BTNL3: variants seen among roughly 807,000 people sequenced by gnomAD.
BTNL3 encodes the protein butyrophilin like 3.
Under a neutral mutation model 40.1 loss-of-function variants are expected in BTNL3, and 20 were observed. The observed-to-expected ratio is 0.50, with a 90% CI of 0.35 to 0.72. The LOEUF is 0.72. Ranked by LOEUF, BTNL3 falls within the 30% of genes least tolerant of loss-of-function variation. The pLI is 0.01. For synonymous variants in BTNL3, 179 were observed against 222.1 expected (o/e 0.81, Z 1.73); for missense variants, 449 against 582.2 (o/e 0.77, Z 2.35).
intron 1 of BTNL3, among the ~76,000 whole-genome samples, 194 bp from the exon 2 acceptor site, chr5:180,992,619 G>T (rs926636077): frequency 7.3e-6 from 1 of 137,466 alleles, no homozygotes; most frequent in African/African-American, 2.5e-5. Flanking sequence ...CACATGAGAT[G>T]TGTGTGAGAA....
In BTNL3 at chr5:181,002,103, G is replaced by C. The variant is rs1760121483; in HGVS notation, c.674-569G>C. ...AGCTAAGAAGCTTAGTCTTATCTCA[G>C]AGACATATCCCAAAGCTTTGAAGAT... On this transcript the variant is annotated intron_variant, in intron 3 of 7. Transcript: ENST00000342868. 3.0e-5 allele frequency among the ~76,000 whole-genome samples: 4 copies of C among 133,588 alleles called. 1 individual carries two copies. Among genetic ancestry groups the C allele is most frequent in the Non-Finnish European group, 5.1e-5 (3 of 58,800 alleles). 87.6% of individuals were successfully genotyped at this position (133,588 alleles called of 152,430 possible). A position where few individuals can be genotyped will look rare whatever the true frequency, so the allele number is the denominator to read the frequency against.
In BTNL3 at chr5:181,005,962, C is replaced by G; in HGVS notation, c.*90C>G. ...TCCCGACAGGTGGCCCCAGCTTCCT[C>G]TCCGGAGCCTGCGCACAGAGAGTCA... On this transcript the variant is annotated 3_prime_UTR_variant, in exon 8 of 8. Transcript: ENST00000342868. 1 of 1,374,842 alleles carries G rather than the reference C, an allele frequency of 7.3e-7. No homozygotes were observed. The highest frequency in any genetic ancestry group is 9.7e-7 in the Non-Finnish European group (1 of 1,027,258). 85.2% of individuals were successfully genotyped at this position (1,374,842 alleles called of 1,614,324 possible).
intron 6 of BTNL3, 119 bp from the exon 7 acceptor site, chr5:181,004,617 C>T (rs1373223465): frequency 6.2e-7 from 1 of 1,608,848 alleles, no homozygotes; most frequent in Non-Finnish European, 8.5e-7. Flanking sequence ...TAGCCTTCTT[C>T]AGATCTCTGG....
Position 180,993,098 on chromosome 5 carries a change from A to G in BTNL3, c.335A>G (p.Tyr112Cys), listed in dbSNP as rs1251515681. ...ATCACTCCCTCGGACATCGGCCTGTATGGGTGCTGGTTCAGTTCCCAGATT... is the reference window on the plus strand; with the variant it reads ...ATCACTCCCTCGGACATCGGCCTGTGTGGGTGCTGGTTCAGTTCCCAGATT... ...KNITPSDIGL[Y>C]GCWFSSQIYD... The change falls in exon 2 of 8, where the codon TAT becomes TGT. Residue 112 changes from tyrosine to cysteine, a missense_variant. Physicochemically the swap from Tyr to Cys is radical, Grantham distance 194. Transcript: ENST00000342868. 2.1e-6 allele frequency: 3 copies of G among 1,451,774 alleles called. 1 individual carries two copies. Among genetic ancestry groups the G allele is most frequent in the Non-Finnish European group, 2.8e-6 (3 of 1,052,648 alleles). The allele number at this position is 1,451,774 out of a possible 1,614,324, so 89.9% of individuals were successfully genotyped here.
At chr5:180,994,736 C>T (rs1275208275) in intron 2 of BTNL3, among the ~76,000 whole-genome samples, 3 of 133,776 alleles carry the variant, frequency 2.2e-5, no homozygotes, top group African/African-American at 7.7e-5. Context: ...ATTTTCCTCT[C>T]TTTTCATGCT....
chr5:180,992,612 A>T lies in BTNL3; in HGVS notation c.50-201A>T, dbSNP rs568148675. ...TAGCACATACCTCACCTCATCTCAC[A>T]TGAGATGTGTGTGAGAACCGAGTGA... On this transcript the variant is annotated intron_variant, in intron 1 of 7. Coordinates refer to ENST00000342868, the MANE Select transcript of BTNL3 (RefSeq NM_197975.3). 1.0e-4 allele frequency among the ~76,000 whole-genome samples: 14 copies of T among 137,442 alleles called. 1 individual carries two copies. The highest frequency in any genetic ancestry group is 3.3e-4 in the African/African-American group (13 of 39,938). The allele number at this position is 137,442 out of a possible 152,430, so 90.2% of individuals were successfully genotyped here.
At chr5:180,989,585 T>G (rs1759943616) in intron 1 of BTNL3, among the ~76,000 whole-genome samples, 2 of 136,398 alleles carry the variant, frequency 1.5e-5, no homozygotes, top group South Asian at 4.3e-4. Context: ...GAGGAGTAAG[T>G]TGGAACCTGG....
chr5:181,002,654 T>TA lies in BTNL3; in HGVS notation c.674-18_674-17insA, dbSNP rs1428528745. 3 of 1,452,612 alleles carry TA rather than the reference T, an allele frequency of 2.1e-6. 1 individual carries two copies. Among genetic ancestry groups the TA allele is most frequent in the Non-Finnish European group, 2.8e-6 (3 of 1,053,322 alleles). The allele number at this position is 1,452,612 out of a possible 1,614,324, so 90.0% of individuals were successfully genotyped here. A position where few individuals can be genotyped will look rare whatever the true frequency, so the allele number is the denominator to read the frequency against. ...ACCTGCTTAGCTATCACTAAGGGTC[T>TA]GTGGGACTGTTTTTCAGAGACGTTT... is the stretch of plus-strand genomic sequence containing the variant. On this transcript the variant is annotated splice_polypyrimidine_tract_variant and intron_variant, in intron 3 of 7. Coordinates refer to ENST00000342868, the MANE Select transcript of BTNL3 (RefSeq NM_197975.3).
intron 2 of BTNL3, among the ~76,000 whole-genome samples, 152 bp from the exon 3 acceptor site, chr5:180,997,061 G>C (rs1473905189): frequency 7.3e-6 from 1 of 136,554 alleles, no homozygotes; most frequent in Admixed American, 7.7e-5. Context: ...GTGTGTGTAA[G>C]AGACAGAGAG....
chr5:180,998,169 T>G (rs1422549705), intron 3 of BTNL3, among the ~76,000 whole-genome samples: 1 of 136,844 alleles, frequency 7.3e-6, no homozygotes, highest in Non-Finnish European at 1.7e-5. Flanking sequence ...TATGAGCTAT[T>G]CATTGAAAAT....
Position 180,992,857 on chromosome 5 carries a change from G to C in BTNL3, c.94G>C (p.Val32Leu). The C allele has an allele frequency of 1.4e-6, 2 of 1,463,210 alleles. 1 individual carries two copies. The highest frequency in any genetic ancestry group is 1.9e-6 in the Non-Finnish European group (2 of 1,058,920). The allele number at this position is 1,463,210 out of a possible 1,614,324, so 90.6% of individuals were successfully genotyped here. A position where few individuals can be genotyped will look rare whatever the true frequency, so the allele number is the denominator to read the frequency against. Residue 32 changes from valine (V) to leucine (L), a missense_variant, in exon 2 of 8, where the codon GTG becomes CTG. By Grantham distance (32) the Val-to-Leu change is conservative. Transcript: ENST00000342868. The stretch of plus-strand genomic sequence containing the variant: ...ACCGGGCAAGTTTGTCCAGGCCTTG[G>C]TGGGGGAGGACGCCGTGTTCTCCTG... ...TGPGKFVQAL[V>L]GEDAVFSCSL...
At chr5:181,003,941 G>A in intron 5 of BTNL3, 65 bp downstream of exon 5, 1 of 1,613,338 alleles carries the variant, frequency 6.2e-7, no homozygotes, top group South Asian at 1.1e-5. Flanking sequence ...TCCACAGTTT[G>A]AGCCTCTGGA....
chr5:180,989,450 C>G (rs1433709308), intron 1 of BTNL3, among the ~76,000 whole-genome samples: 1 of 136,906 alleles, frequency 7.3e-6, no homozygotes, highest in African/African-American at 2.5e-5. Flanking sequence ...AGGTTTTTGA[C>G]TTGGGTGCCT....
chr5:180,997,399 T>C lies in BTNL3; in HGVS notation c.584T>C (p.Ile195Thr). Reference sequence around the variant, plus strand: ...AGCCTGTATGATGTGGAGATCTCCATTATAGTCCAGGAAAATGCTGGGAGC... The same window carrying C: ...AGCCTGTATGATGTGGAGATCTCCACTATAGTCCAGGAAAATGCTGGGAGC... ...GYSLYDVEIS[I>T]IVQENAGSIL... Residue 195 changes from isoleucine to threonine, a missense_variant, in exon 3 of 8, where the codon ATT becomes ACT. Around this residue, in one of 2 missense-constraint regions of BTNL3, gnomAD observed 323 missense variants for 464.9 expected, o/e 0.69. Transcript: ENST00000342868. 1 of 1,463,340 alleles carries C rather than the reference T, an allele frequency of 6.8e-7. No homozygotes were observed. 90.6% of individuals were successfully genotyped at this position (1,463,340 alleles called of 1,614,324 possible). A position where few individuals can be genotyped will look rare whatever the true frequency, so the allele number is the denominator to read the frequency against.
chr5:181,002,802 A>G lies in BTNL3; in HGVS notation c.787+17A>G. ...AATCCAAAGGTAAGTGAGAGAGAGAAGCATGGGCCCATACCTTCTTCATGG... is the reference window on the plus strand; with the variant it reads ...AATCCAAAGGTAAGTGAGAGAGAGAGGCATGGGCCCATACCTTCTTCATGG... On this transcript the variant is annotated intron_variant, in intron 4 of 7. Coordinates refer to ENST00000342868, the MANE Select transcript of BTNL3 (RefSeq NM_197975.3). 3 of 1,444,288 alleles carry G rather than the reference A, an allele frequency of 2.1e-6. 1 individual carries two copies. The highest frequency in any genetic ancestry group is 1.1e-5 in the South Asian group (1 of 89,156). The allele number at this position is 1,444,288 out of a possible 1,614,324, so 89.5% of individuals were successfully genotyped here. A position where few individuals can be genotyped will look rare whatever the true frequency, so the allele number is the denominator to read the frequency against.
intron 5 of BTNL3, 101 bp downstream of exon 5, chr5:181,003,977 A>G (rs939624153): frequency 1.2e-6 from 2 of 1,604,188 alleles, no homozygotes; most frequent in Non-Finnish European, 8.5e-7. Context: ...GCTGGACAGG[A>G]AGCACCGGCA....
At position 180,998,378 on chromosome 5, in the gene BTNL3, G is replaced by A. The variant is rs1760061069; in HGVS notation, c.673+890G>A. 1.5e-5 allele frequency among the ~76,000 whole-genome samples: 2 copies of A among 135,326 alleles called. 1 individual carries two copies. The highest frequency in any genetic ancestry group is 4.4e-4 in the South Asian group (2 of 4,574). The allele number at this position is 135,326 out of a possible 152,430, so 88.8% of individuals were successfully genotyped here. A position where few individuals can be genotyped will look rare whatever the true frequency, so the allele number is the denominator to read the frequency against. On this transcript the variant is annotated intron_variant, in intron 3 of 7. Coordinates refer to ENST00000342868, the MANE Select transcript of BTNL3 (RefSeq NM_197975.3). ...ATGTAAAACATAGAAAATATCAACA[G>A]AAATAAGAAAAAAGGTCATACTTCG...
chr5:180,997,671 T>C (rs556762229), intron 3 of BTNL3, among the ~76,000 whole-genome samples, 183 bp downstream of exon 3: 1 of 136,600 alleles, frequency 7.3e-6, no homozygotes, highest in Non-Finnish European at 1.7e-5. Flanking sequence ...AGTAGAATAG[T>C]TTACAATTTC....
intron 3 of BTNL3, 109 bp from the exon 4 acceptor site, chr5:181,002,563 A>G: frequency 9.9e-7 from 1 of 1,014,258 alleles, no homozygotes; most frequent in Non-Finnish European, 1.4e-6. Flanking sequence ...CTGTGGAAGA[A>G]ATGAGAGAAA....
Sources: gnomAD v4.1 joint callset for allele counts (sites outside exome capture counted in the v4.1 genomes callset) on GRCh38, gnomAD v4.1.1 for gene constraint, gnomAD v4.1.1 regional missense constraint, MANE v1.5 for transcripts, NCBI Gene and HGNC (gene_info 2026-07-23, HGNC 2026-07-21) for gene names.